The following PLA2R1 variants were observed in gnomAD, a reference collection of about 807,000 sequenced individuals.
The protein encoded by PLA2R1 is secretory phospholipase A2 receptor.
In PLA2R1, 158 loss-of-function variants were observed where a neutral mutation model predicts 195.9. The observed-to-expected ratio is 0.81, with a 90% CI of 0.71 to 0.92. PLA2R1 has a LOEUF of 0.92. PLA2R1 is among the 40% of genes least tolerant of loss of function. The probability of loss-of-function intolerance (pLI) is 0.00; values close to 1 mark genes in which losing one functional copy is unlikely to be tolerated. For synonymous variants in PLA2R1, 586 were observed against 598.2 expected (o/e 0.98, Z 0.30); for missense variants, 1,626 against 1,764.6 (o/e 0.92, Z 1.41).
intron 5 of PLA2R1, 55 bp from the exon 6 acceptor site, chr2:160,028,416 T>C (rs1693653839): frequency 7.8e-6 from 10 of 1,276,912 alleles, no homozygotes; most frequent in Non-Finnish European, 1.1e-5. Context: ...TAGTTTAATA[T>C]ATATTGAAAT....
intron 23 of PLA2R1, among the ~76,000 whole-genome samples, chr2:159,953,991 G>A (rs1405480092): frequency 2.0e-5 from 3 of 151,992 alleles, no homozygotes; most frequent in South Asian, 2.1e-4. Context: ...CTGCCACCAC[G>A]CCCGGCTAAT....
chr2:159,955,321 A>G lies in PLA2R1; in HGVS notation c.3179T>C (p.Val1060Ala). Residue 1060 changes from valine to alanine, a missense_variant, in exon 23 of 30, where the codon GTT becomes GCT. By Grantham distance (64) the Val-to-Ala change is moderately conservative (BLOSUM62 0). Coordinates refer to ENST00000283243, the MANE Select transcript of PLA2R1 (RefSeq NM_007366.5). ...GGCACAGAGAGGAATGTGTTTCTGA[A>G]CTTCAGTGGTATTGTGACTTGGAAT... The part of the protein sequence containing the change: ...INIPSHNTTE[V>A]QKHIPLCALL... 6.2e-7 allele frequency: 1 copy of G among 1,600,920 alleles called. No homozygotes were observed. The highest frequency in any genetic ancestry group is 1.3e-5 in the African/African-American group (1 of 74,762).
the PLA2R1 span, among the ~76,000 whole-genome samples, chr2:159,924,834 G>C: frequency 6.6e-6 from 1 of 152,008 alleles, no homozygotes; most frequent in Non-Finnish European, 1.5e-5. Flanking sequence ...ATCTGTTCCA[G>C]ACCCCAGTAT....
At chr2:159,963,507 T>G (rs1312533777) in intron 20 of PLA2R1, among the ~76,000 whole-genome samples, 1 of 152,216 alleles carries the variant, frequency 6.6e-6, no homozygotes, top group African/African-American at 2.4e-5. Context: ...GGGTTTAATA[T>G]TTAGAATATA....
intron 3 of PLA2R1, among the ~76,000 whole-genome samples, chr2:160,041,491 G>C (rs1694515660): frequency 6.6e-6 from 1 of 152,170 alleles, no homozygotes; most frequent in Non-Finnish European, 1.5e-5. Context: ...ATAGCCAGAA[G>C]GTAAATAGTA....
At chr2:159,948,642 C>CAAAAAAAAAAAAAAAAAAAAAA (rs56329076) in intron 25 of PLA2R1, among the ~76,000 whole-genome samples, 1 of 95,840 alleles carries the variant, frequency 1.0e-5, no homozygotes, top group Non-Finnish European at 2.0e-5. Context: ...CAAGTGCTAA[C>CAAAAAAAAAAAAAAAAAAAAAA]AAAAAAAAAA....
rs190405483 is a variant in PLA2R1, at chr2:159,999,024, T to C, written c.1834+6628A>G. On this transcript the variant is annotated intron_variant, in intron 11 of 29. Transcript: ENST00000283243. ...TTCTGGGAAGTAATAAAGTCATGAG[T>C]GCTCCATCCTCATGAATGGGATTGG... Among the ~76,000 whole-genome samples, 6 of 152,214 alleles carry C rather than the reference T, an allele frequency of 3.9e-5. No individual in the cohort carries two copies. In the East Asian group the frequency reaches 1.2e-3, roughly 29 times the overall value.
chr2:160,007,656 G>T (rs1391088223), intron 10 of PLA2R1, among the ~76,000 whole-genome samples: 3 of 152,190 alleles, frequency 2.0e-5, no homozygotes, highest in Non-Finnish European at 4.4e-5. Flanking sequence ...ACTACACAAA[G>T]ACTTGTATAC....
intron 14 of PLA2R1, 152 bp from the exon 15 acceptor site, chr2:159,977,568 A>G (rs1689659991): frequency 3.5e-6 from 2 of 575,326 alleles, no homozygotes; most frequent in Non-Finnish European, 6.0e-6. Context: ...GTTGTTTCAC[A>G]TTTGTGAAGA....
chr2:160,038,500 G>A (rs1694310281), intron 3 of PLA2R1, among the ~76,000 whole-genome samples: 2 of 152,222 alleles, frequency 1.3e-5, no homozygotes, highest in South Asian at 4.1e-4. Flanking sequence ...CAGAGCCCAG[G>A]TGGGGAGACT....
At chr2:160,018,804 T>C (rs1026499370) in intron 8 of PLA2R1, among the ~76,000 whole-genome samples, 1 of 152,264 alleles carries the variant, frequency 6.6e-6, no homozygotes, top group African/African-American at 2.4e-5. Context: ...TTGTCTGTGC[T>C]AGCATTAAAA....
At chr2:159,965,171 C>T (rs113847302) in intron 20 of PLA2R1, among the ~76,000 whole-genome samples, 3 of 152,262 alleles carry the variant, frequency 2.0e-5, no homozygotes, top group African/African-American at 7.2e-5. Flanking sequence ...ACCCAAAGTC[C>T]ATAGTTTACA....
At position 159,951,549 on chromosome 2, in the gene PLA2R1, C is replaced by T; in HGVS notation, c.3331G>A (p.Asp1111Asn). ...AAGGTATTGGGCATTGGATACATAT[C>T]AGATGTATTTACACCGTGTCCAGAA... ...DTSGHGVNTS[D>N]MYPMPNTLEY... The change falls in exon 24 of 30, where the codon GAT becomes AAT. Residue 1111 changes from aspartate (D) to asparagine (N), a missense_variant. Asp to Asn is a conservative substitution (Grantham distance 23). Coordinates refer to ENST00000283243, the MANE Select transcript of PLA2R1 (RefSeq NM_007366.5). 6.3e-7 allele frequency: 1 copy of T among 1,580,150 alleles called. No homozygotes were observed. Among genetic ancestry groups the T allele is most frequent in the Non-Finnish European group, 8.7e-7 (1 of 1,148,290 alleles).
At chr2:159,989,486 A>G (rs1018214119) in intron 11 of PLA2R1, among the ~76,000 whole-genome samples, 6 of 152,342 alleles carry the variant, frequency 3.9e-5, no homozygotes, top group Non-Finnish European at 5.9e-5. Flanking sequence ...TGCACAGCAC[A>G]GGCAGGAAAC....
intron 19 of PLA2R1, among the ~76,000 whole-genome samples, chr2:159,968,392 T>A (rs981212324): frequency 3.3e-5 from 5 of 152,146 alleles, no homozygotes; most frequent in Admixed American, 2.0e-4. Flanking sequence ...GCCCAAAAGA[T>A]GTTGGCATTT....
intron 12 of PLA2R1, 133 bp downstream of exon 12, chr2:159,987,023 A>T (rs2105320101): frequency 1.6e-6 from 1 of 643,490 alleles, no homozygotes; most frequent in Non-Finnish European, 2.8e-6. Context: ...ACAAATGTTG[A>T]TTAAGCACCT....
At chr2:159,994,419 G>C (rs1417192335) in intron 11 of PLA2R1, among the ~76,000 whole-genome samples, 1 of 151,980 alleles carries the variant, frequency 6.6e-6, no homozygotes, top group East Asian at 1.9e-4. Flanking sequence ...ACCTTCTTTG[G>C]ATCTTGATTC....
chr2:160,038,160 T>TGA (rs1370305744), intron 3 of PLA2R1, among the ~76,000 whole-genome samples: 5 of 152,064 alleles, frequency 3.3e-5, no homozygotes, highest in Admixed American at 3.3e-4. Flanking sequence ...ATTTAGAGGA[T>TGA]GAGAGAGAGA....
intron 13 of PLA2R1, among the ~76,000 whole-genome samples, chr2:159,982,741 GA>G (rs1230094535): frequency 9.8e-5 from 15 of 152,300 alleles, no homozygotes; most frequent in Non-Finnish European, 2.1e-4. Flanking sequence ...AAACTTGTGG[GA>G]AAGGCCAGAA....
Sources: gnomAD v4.1 joint callset for allele counts (sites outside exome capture counted in the v4.1 genomes callset) on GRCh38, gnomAD v4.1.1 for gene constraint, MANE v1.5 for transcripts, NCBI Gene and HGNC (gene_info 2026-07-23, HGNC 2026-07-21) for gene names.